LHFPL3: variants seen among roughly 807,000 people sequenced by gnomAD.
LHFPL3 encodes LHFPL tetraspan subfamily member 3, also known as LHFPL tetraspan subfamily member 3 protein.
LHFPL3 carries 5 observed loss-of-function variants against 19.3 expected under a neutral mutation model. The observed-to-expected ratio is 0.26, with a 90% CI of 0.14 to 0.54. The LOEUF is 0.54. Among genes scored for constraint, LHFPL3 ranks in the 20% least tolerant of loss-of-function variants. The pLI, the probability that LHFPL3 is intolerant of heterozygous loss-of-function variation, is 0.94. For missense variants in LHFPL3, 249 were observed against 307.4 expected, an observed-to-expected ratio of 0.81 and a Z score of 1.42; for synonymous variants, 133 against 126.2, an observed-to-expected ratio of 1.05 and a Z score of -0.36.
intron 1 of LHFPL3, among the ~76,000 whole-genome samples, chr7:104,663,299 A>G (rs368574816): frequency 2.6e-5 from 4 of 152,228 alleles, no homozygotes; most frequent in African/African-American, 9.6e-5. Context: ...AGAAGTAACA[A>G]ACAGCCAACA....
At chr7:104,350,796 T>C (rs746857017) in intron 1 of LHFPL3, among the ~76,000 whole-genome samples, 2 of 152,112 alleles carry the variant, frequency 1.3e-5, no homozygotes, top group African/African-American at 2.4e-5. Flanking sequence ...TCCCAGCACT[T>C]TGGGAGGCCG....
At chr7:104,355,452 C>T (rs980649260) in intron 1 of LHFPL3, among the ~76,000 whole-genome samples, 1 of 152,204 alleles carries the variant, frequency 6.6e-6, no homozygotes, top group Non-Finnish European at 1.5e-5. Context: ...GACCCAGACA[C>T]TCTGCTACAG....
At chr7:104,758,177 C>T (rs560722522) in intron 2 of LHFPL3, among the ~76,000 whole-genome samples, 1 of 152,184 alleles carries the variant, frequency 6.6e-6, no homozygotes, top group East Asian at 1.9e-4. Context: ...GAACAATGGA[C>T]ACTGGGGACT....
At chr7:104,409,329 TG>T (rs1791489587) in intron 1 of LHFPL3, among the ~76,000 whole-genome samples, 1 of 151,792 alleles carries the variant, frequency 6.6e-6, no homozygotes, top group African/African-American at 2.4e-5. Flanking sequence ...TGTGTGTGTG[TG>T]TGTGTGTGTG....
At chr7:104,486,915 T>C (rs1008421675) in intron 1 of LHFPL3, among the ~76,000 whole-genome samples, 1 of 152,220 alleles carries the variant, frequency 6.6e-6, no homozygotes, top group African/African-American at 2.4e-5. Context: ...TTTATTGCTA[T>C]AAATATTTGC....
chr7:104,818,909 T>C (rs922481635), intron 2 of LHFPL3, among the ~76,000 whole-genome samples: 1 of 152,190 alleles, frequency 6.6e-6, no homozygotes, highest in African/African-American at 2.4e-5. Context: ...TTTTAATCTC[T>C]GGTAGTGCCA....
intron 1 of LHFPL3, among the ~76,000 whole-genome samples, chr7:104,543,806 C>T (rs1014602426): frequency 2.7e-5 from 4 of 148,932 alleles, no homozygotes; most frequent in African/African-American, 5.0e-5. Flanking sequence ...AGGAGATATA[C>T]CTAATGCTGT....
chr7:104,887,916 G>C (rs1382850133), intron 2 of LHFPL3, among the ~76,000 whole-genome samples: 1 of 152,158 alleles, frequency 6.6e-6, no homozygotes, highest in African/African-American at 2.4e-5. Flanking sequence ...GTTGTTTGGG[G>C]GTTTTATTTG....
chr7:104,464,683 C>G (rs1016649277), intron 1 of LHFPL3, among the ~76,000 whole-genome samples: 4 of 152,226 alleles, frequency 2.6e-5, no homozygotes, highest in African/African-American at 4.8e-5. Context: ...ATTGGCCCCT[C>G]TTAGCCATGG....
intron 1 of LHFPL3, among the ~76,000 whole-genome samples, chr7:104,709,090 A>G (rs1793244417): frequency 6.6e-6 from 1 of 152,160 alleles, no homozygotes; most frequent in Non-Finnish European, 1.5e-5. Context: ...AAGTTCAACA[A>G]CAACAACAAG....
intron 1 of LHFPL3, among the ~76,000 whole-genome samples, chr7:104,369,056 T>C (rs1790557463): frequency 6.6e-6 from 1 of 152,250 alleles, no homozygotes; most frequent in African/African-American, 2.4e-5. Flanking sequence ...TAAAGTTTTA[T>C]TGAGGTGTGA....
intron 1 of LHFPL3, among the ~76,000 whole-genome samples, chr7:104,685,808 G>T (rs578112941): frequency 3.2e-4 from 48 of 152,308 alleles, no homozygotes; most frequent in Non-Finnish European, 6.3e-4. Context: ...GAAGTTGTAG[G>T]TGTTCTCCCA....
intron 1 of LHFPL3, among the ~76,000 whole-genome samples, chr7:104,518,846 GA>G (rs1202438627): frequency 0.012 from 1,692 of 141,450 alleles, 19 homozygotes; most frequent in Middle Eastern, 0.021. Context: ...TAGATAGATA[GA>G]ATAAATAAAA....
At chr7:104,376,713 G>T (rs1790721413) in intron 1 of LHFPL3, among the ~76,000 whole-genome samples, 1 of 152,070 alleles carries the variant, frequency 6.6e-6, no homozygotes, top group South Asian at 2.1e-4. Flanking sequence ...CACTTCACGG[G>T]CCAGGCTCTA....
chr7:104,859,931 T>C (rs964108256), intron 2 of LHFPL3, among the ~76,000 whole-genome samples: 20 of 152,140 alleles, frequency 1.3e-4, no homozygotes, highest in African/African-American at 4.6e-4. Flanking sequence ...AAACAGTGCA[T>C]ACCTGGGGAC....
intron 1 of LHFPL3, among the ~76,000 whole-genome samples, chr7:104,371,484 C>T (rs1353563473): frequency 6.6e-6 from 1 of 152,176 alleles, no homozygotes; most frequent in Non-Finnish European, 1.5e-5. Flanking sequence ...GTTGTATTAT[C>T]TCATTCCTAC....
intron 2 of LHFPL3, among the ~76,000 whole-genome samples, chr7:104,767,167 C>T (rs1054374704): frequency 7.9e-5 from 12 of 152,222 alleles, no homozygotes; most frequent in African/African-American, 2.7e-4. Flanking sequence ...TTTACAGACT[C>T]TGTAGTCTGC....
intron 1 of LHFPL3, among the ~76,000 whole-genome samples, chr7:104,524,511 A>G (rs1794145162): frequency 6.6e-6 from 1 of 152,122 alleles, no homozygotes; most frequent in African/African-American, 2.4e-5. Context: ...GGAGTGTCTA[A>G]AGTACAAACC....
intron 1 of LHFPL3, among the ~76,000 whole-genome samples, chr7:104,575,104 CA>C (rs1214035956): frequency 6.7e-6 from 1 of 148,842 alleles, no homozygotes; most frequent in Non-Finnish European, 1.5e-5. Context: ...ACACAAATAA[CA>C]GAAGACTAAA....
Sources: gnomAD v4.1 joint callset for allele counts (sites outside exome capture counted in the v4.1 genomes callset) on GRCh38, gnomAD v4.1.1 for gene constraint, MANE v1.5 for transcripts, NCBI Gene and HGNC (gene_info 2026-07-23, HGNC 2026-07-21) for gene names.